The following WWOX variants were observed in gnomAD, a reference collection of about 807,000 sequenced individuals.
The protein encoded by WWOX is WW domain containing oxidoreductase.
Under a neutral mutation model 46.2 loss-of-function variants are expected in WWOX, and 69 were observed. That is an observed-to-expected ratio of 1.49 (90% CI 1.23 to 1.82). The LOEUF (loss-of-function observed/expected upper bound fraction) is 1.82. Among genes scored for constraint, WWOX ranks in the 40% most tolerant of loss-of-function variants. The pLI, the probability that WWOX is intolerant of heterozygous loss-of-function variation, is 0.00. For synonymous variants in WWOX, 359 were observed against 202.6 expected, an observed-to-expected ratio of 1.77 and a Z score of -6.56; for missense variants, 919 against 542.6, an observed-to-expected ratio of 1.69 and a Z score of -6.89.
At chr16:78,190,810 G>A (rs1050502223) in intron 5 of WWOX, among the ~76,000 whole-genome samples, 2 of 152,202 alleles carry the variant, frequency 1.3e-5, no homozygotes, top group African/African-American at 4.8e-5. Flanking sequence ...AAAGTTGACT[G>A]CTGTGATAAT....
chr16:79,006,269 G>A lies in WWOX; in HGVS notation c.1057-205339G>A, dbSNP rs548762403. Among the ~76,000 whole-genome samples the A allele has an allele frequency of 1.6e-3, 248 of 152,276 alleles. 1 individual carries two copies. Among genetic ancestry groups the A allele is most frequent in the African/African-American group, 5.6e-3 (232 of 41,544 alleles). On this transcript the variant is annotated intron_variant, in intron 8 of 8. Coordinates refer to ENST00000566780, the MANE Select transcript of WWOX (RefSeq NM_016373.4). ...GTTGCACAAAGAGGAGACCTGTCCT[G>A]GGAATGGAGGAGAAGATGTGAAGCG...
chr16:78,686,777 C>A (rs1317583326), intron 8 of WWOX, among the ~76,000 whole-genome samples: 1 of 152,212 alleles, frequency 6.6e-6, no homozygotes, highest in African/African-American at 2.4e-5. Flanking sequence ...CTGTAGCTAT[C>A]TAACAGAGAC....
chr16:78,480,787 G>C (rs1374364363), intron 8 of WWOX, among the ~76,000 whole-genome samples: 2 of 152,180 alleles, frequency 1.3e-5, no homozygotes, highest in Non-Finnish European at 2.9e-5. Context: ...GCTCCTTGTG[G>C]ACTTTAGCTT....
chr16:78,939,605 C>G lies in WWOX; in HGVS notation c.1057-272003C>G, dbSNP rs1293228017. ...TGGCTACTGAAATGGCTTAGAATGC[C>G]ATTTTATCACATGGTCAAATTATTC... is the stretch of plus-strand genomic sequence containing the variant. On this transcript the variant is annotated intron_variant, in intron 8 of 8. Transcript: ENST00000566780. Among the ~76,000 whole-genome samples the G allele has an allele frequency of 2.0e-5, 3 of 152,128 alleles. No individual in the cohort carries two copies. In the East Asian group the frequency reaches 5.8e-4, roughly 29 times the overall value.
At chr16:78,799,833 A>G (rs2050838853) in intron 8 of WWOX, among the ~76,000 whole-genome samples, 1 of 152,224 alleles carries the variant, frequency 6.6e-6, no homozygotes, top group Non-Finnish European at 1.5e-5. Context: ...ATTATACCCA[A>G]TATACAAATT....
chr16:78,561,201 G>A (rs1373439308), intron 8 of WWOX, among the ~76,000 whole-genome samples: 2 of 152,108 alleles, frequency 1.3e-5, no homozygotes, highest in Non-Finnish European at 1.5e-5. Flanking sequence ...TTGGCCCCCT[G>A]CATCTCAAAG....
chr16:78,801,301 G>T (rs187675697), intron 8 of WWOX, among the ~76,000 whole-genome samples: 61 of 152,176 alleles, frequency 4.0e-4, no homozygotes, highest in Non-Finnish European at 1.9e-4. Flanking sequence ...CCTGAGGTTG[G>T]GAGTTTGAGA....
chr16:78,794,564 C>T (rs1178147019), intron 8 of WWOX, among the ~76,000 whole-genome samples: 1 of 152,160 alleles, frequency 6.6e-6, no homozygotes, highest in Non-Finnish European at 1.5e-5. Flanking sequence ...GAGGTAATAA[C>T]CCTAATACCT....
At chr16:78,125,954 A>T (rs2033342615) in intron 4 of WWOX, among the ~76,000 whole-genome samples, 2 of 152,142 alleles carry the variant, frequency 1.3e-5, no homozygotes, top group African/African-American at 4.8e-5. Flanking sequence ...TAAAAATAAG[A>T]ATAAAAGATT....
intron 6 of WWOX, among the ~76,000 whole-genome samples, chr16:78,411,071 C>T (rs2082669249): frequency 6.6e-6 from 1 of 152,122 alleles, no homozygotes; most frequent in South Asian, 2.1e-4. Context: ...GATACAGAAG[C>T]CAGCATCTTT....
At position 78,803,560 on chromosome 16, in the gene WWOX, C is replaced by T. The variant is rs556617443; in HGVS notation, c.1056+370808C>T. ...CTTGTGGGCTCAAGCAGTCGTCCTG[C>T]CTCAGCCTCCCAAGTAGCTTAGAAC... is the stretch of plus-strand genomic sequence containing the variant. On this transcript the variant is annotated intron_variant, in intron 8 of 8. Coordinates refer to ENST00000566780, the MANE Select transcript of WWOX (RefSeq NM_016373.4). Among the ~76,000 whole-genome samples, 7 of 152,244 alleles carry T rather than the reference C, an allele frequency of 4.6e-5. No homozygotes were observed. In the East Asian group the frequency reaches 9.7e-4, roughly 21 times the overall value.
In WWOX at chr16:78,386,906, G is replaced by T; in HGVS notation, c.563G>T (p.Arg188Leu). 6.2e-7 allele frequency: 1 copy of T among 1,614,068 alleles called. No homozygotes were observed. The highest frequency in any genetic ancestry group is 8.5e-7 in the Non-Finnish European group (1 of 1,179,986). Residue 188 changes from arginine (R) to leucine (L), a missense_variant, in exon 6 of 9, where the codon CGT (arginine) becomes CTT (leucine). Transcript: ENST00000566780. ...ATGACCCTGGACCTCGCTCTGCTCCGTAGCGTGCAGCATTTTGCTGAAGCA... is the reference window on the plus strand; with the variant it reads ...ATGACCCTGGACCTCGCTCTGCTCCTTAGCGTGCAGCATTTTGCTGAAGCA... ...EAMTLDLALL[R>L]SVQHFAEAFK...
At chr16:78,291,768 C>T (rs2079862353) in intron 5 of WWOX, among the ~76,000 whole-genome samples, 1 of 152,036 alleles carries the variant, frequency 6.6e-6, no homozygotes, top group Admixed American at 6.5e-5. Context: ...GGCATATTTC[C>T]AAGGCCACCA....
At chr16:78,567,097 G>A (rs2044587957) in intron 8 of WWOX, among the ~76,000 whole-genome samples, 1 of 152,186 alleles carries the variant, frequency 6.6e-6, no homozygotes, top group Admixed American at 6.5e-5. Context: ...AGTATCAGAA[G>A]AAGAAACTGA....
chr16:78,264,906 TC>T (rs2079327448), intron 5 of WWOX: 1 of 152,212 alleles, frequency 6.6e-6, no homozygotes, highest in East Asian at 1.9e-4. Flanking sequence ...TTCTTTCCTT[TC>T]TTTTTCTTTT....
intron 6 of WWOX, among the ~76,000 whole-genome samples, chr16:78,421,817 T>A (rs369319708): frequency 2.6e-4 from 39 of 152,222 alleles, no homozygotes; most frequent in African/African-American, 8.4e-4. Flanking sequence ...TTCTCCCTCA[T>A]GATATTAACT....
chr16:78,900,847 GAAAAA>G (rs71979088), intron 8 of WWOX, among the ~76,000 whole-genome samples: 26 of 140,598 alleles, frequency 1.8e-4, no homozygotes, highest in African/African-American at 6.3e-4. Flanking sequence ...GCCTTTTTTT[GAAAAA>G]AAAAAAAAAG....
At chr16:78,322,308 G>A (rs1597481634) in intron 5 of WWOX, among the ~76,000 whole-genome samples, 2 of 152,202 alleles carry the variant, frequency 1.3e-5, no homozygotes, top group East Asian at 3.9e-4. Flanking sequence ...GGGAAAAAAT[G>A]ACATTTTGAC....
chr16:78,744,844 T>G (rs541841388), intron 8 of WWOX, among the ~76,000 whole-genome samples: 459 of 152,314 alleles, frequency 3.0e-3, no homozygotes, highest in African/African-American at 0.01. Context: ...ACATGGTGAC[T>G]TCACTAAAGT....
Sources: allele counts gnomAD v4.1 joint callset (sites outside exome capture counted in the v4.1 genomes callset), GRCh38; gene constraint gnomAD v4.1.1; transcripts MANE v1.5; gene names NCBI Gene and HGNC (gene_info 2026-07-23, HGNC 2026-07-21).